The following ADGRG5 variants were observed in gnomAD, a reference collection of about 807,000 sequenced individuals.
ADGRG5 encodes G protein-coupled receptor 114.
ADGRG5 carries 37 observed loss-of-function variants against 53.2 expected under a neutral mutation model. That is an observed-to-expected ratio of 0.70 (90% CI 0.53 to 0.91). ADGRG5 has a LOEUF of 0.91. Ranked by LOEUF, ADGRG5 falls within the 40% of genes least tolerant of loss-of-function variation. The pLI is 0.00. For missense variants in ADGRG5, 614 were observed against 675.8 expected, an observed-to-expected ratio of 0.91 and a Z score of 1.01; for synonymous variants, 277 against 290.4, an observed-to-expected ratio of 0.95 and a Z score of 0.47.
At position 57,570,463 on chromosome 16, in the gene ADGRG5, C is replaced by G. The variant is rs1342908417; in HGVS notation, c.1136C>G (p.Ser379Trp). 1.9e-6 allele frequency: 3 copies of G among 1,613,504 alleles called. No individual in the cohort carries two copies. In the East Asian group the frequency reaches 6.7e-5, roughly 36 times the overall value. ...LVLLSLSVKS[S>W]VYGPCTIPVF... is the part of the protein sequence containing the mutation. ...CTGCTTTCCCTCTCTGTCAAGAGCT[C>G]GGTATACGGACCCTGCACAATCCCC... is the stretch of plus-strand genomic sequence containing the variant. Residue 379 changes from serine to tryptophan, a missense_variant, in exon 10 of 12, where the codon TCG becomes TGG. Physicochemically the swap from Ser to Trp is radical, Grantham distance 177. Transcript: ENST00000349457.
the ADGRG5 span, among the ~76,000 whole-genome samples, chr16:57,536,263 A>T: frequency 9.4e-4 from 111 of 118,368 alleles, no homozygotes; most frequent in African/African-American, 3.4e-3. Flanking sequence ...CCCCTCCCCC[A>T]TCACCCCGCG....
intron 1 of ADGRG5, among the ~76,000 whole-genome samples, chr16:57,558,080 T>C (rs2032923483): frequency 6.6e-6 from 1 of 152,252 alleles, no homozygotes; most frequent in Non-Finnish European, 1.5e-5. Flanking sequence ...GTCGTGGCTG[T>C]AGTATAGGCC....
intron 1 of ADGRG5, among the ~76,000 whole-genome samples, chr16:57,556,171 C>T (rs1392441417): frequency 1.3e-5 from 2 of 152,040 alleles, no homozygotes; most frequent in Non-Finnish European, 2.9e-5. Context: ...TTTTTTCCAT[C>T]ATTTTACATG....
rs143764238 is a variant in ADGRG5, at chr16:57,568,005, C to T, written c.971C>T (p.Ala324Val). 10 of 1,613,960 alleles carry T rather than the reference C, an allele frequency of 6.2e-6. No individual in the cohort carries two copies. Among genetic ancestry groups the T allele is most frequent in the African/African-American group, 4.0e-5 (3 of 74,904 alleles). ...CTALAAALHYALLSCLTWMAI... is the reference protein window; with the variant it reads ...CTALAAALHYVLLSCLTWMAI... Reference sequence around the variant, plus strand: ...GCTCTGGCCGCTGCCCTGCACTACGCGCTGCTCAGCTGCCTCACCTGGATG... The same window carrying T: ...GCTCTGGCCGCTGCCCTGCACTACGTGCTGCTCAGCTGCCTCACCTGGATG... Residue 324 changes from alanine (A) to valine (V), a missense_variant, in exon 9 of 12, where the codon GCG (alanine) becomes GTG (valine). Transcript: ENST00000349457.
intron 4 of ADGRG5, 23 bp downstream of exon 4, chr16:57,563,270 G>T (rs377149671): frequency 1.9e-6 from 3 of 1,610,140 alleles, no homozygotes; most frequent in Non-Finnish European, 2.5e-6. Flanking sequence ...GGGTTGGGGG[G>T]TGTGGCCAGC....
rs368369229 is a variant in ADGRG5 at position 57,575,596 on chromosome 16, C to T, written c.*58C>T. ...TCTGGCCGCCAGTAGCCTGAGGCTA[C>T]GGCTCCTGCTAGAGAGGGTGGCAGG... On this transcript the variant is annotated 3_prime_UTR_variant, in exon 12 of 12. Transcript: ENST00000349457. The T allele has an allele frequency of 6.4e-4, 890 of 1,386,602 alleles. 1 individual carries two copies. The African/African-American group carries it at 0.011, about 17-fold the overall frequency. The allele number at this position is 1,386,602 out of a possible 1,614,324, so 85.9% of individuals were successfully genotyped here.
upstream of ADGRG5, among the ~76,000 whole-genome samples, chr16:57,541,126 A>G (rs1169981492): frequency 6.6e-6 from 1 of 152,162 alleles, no homozygotes; most frequent in Non-Finnish European, 1.5e-5. Flanking sequence ...GTATCTTGGT[A>G]GTGAGCTTCA....
chr16:57,534,448 A>C, the ADGRG5 span, among the ~76,000 whole-genome samples: 1 of 152,122 alleles, frequency 6.6e-6, no homozygotes, highest in Admixed American at 6.5e-5. Context: ...ACTTGTCTGG[A>C]ATATCTCTCC....
At position 57,562,146 on chromosome 16, in the gene ADGRG5, A is replaced by G. The variant is rs141637452; in HGVS notation, c.53A>G (p.Asn18Ser). Residue 18 changes from asparagine to serine, a missense_variant, in exon 2 of 12, where the codon AAT (asparagine) becomes AGT (serine). Physicochemically the swap from Asn to Ser is conservative, Grantham distance 46. Transcript: ENST00000349457. Reference sequence around the variant, plus strand: ...TGCCTGTGCCTTCTGACTTTGCAGAATGCAACAACAGGTAAGGGGGCTCTG... The same window carrying G: ...TGCCTGTGCCTTCTGACTTTGCAGAGTGCAACAACAGGTAAGGGGGCTCTG... ...FLCLCLLTLQ[N>S]ATTETWEELL... 15 of 1,601,998 alleles carry G rather than the reference A, an allele frequency of 9.4e-6. No homozygotes were observed. The highest frequency in any genetic ancestry group is 1.3e-5 in the Non-Finnish European group (15 of 1,171,636).
intron 8 of ADGRG5, 43 bp from the exon 9 acceptor site, chr16:57,567,813 G>C: frequency 6.3e-7 from 1 of 1,582,472 alleles, no homozygotes; most frequent in Non-Finnish European, 8.6e-7. Flanking sequence ...GTGCTGCCTG[G>C]GTGATGTCCC....
chr16:57,549,938 C>CTA (rs1354685779), intron 1 of ADGRG5, among the ~76,000 whole-genome samples: 1 of 152,084 alleles, frequency 6.6e-6, no homozygotes, highest in Non-Finnish European at 1.5e-5. Context: ...TCTCTAATGA[C>CTA]TAATGATATT....
chr16:57,545,950 C>T (rs944542519), intron 1 of ADGRG5, among the ~76,000 whole-genome samples: 10 of 152,100 alleles, frequency 6.6e-5, no homozygotes, highest in African/African-American at 2.2e-4. Context: ...CTCAGCCTCC[C>T]GAGTAGCTGG....
At position 57,563,934 on chromosome 16, in the gene ADGRG5, G is replaced by C; in HGVS notation, c.384G>C (p.Glu128Asp). The C allele has an allele frequency of 6.2e-7, 1 of 1,614,082 alleles. No homozygotes were observed. The highest frequency in any genetic ancestry group is 8.5e-7 in the Non-Finnish European group (1 of 1,179,948). Residue 128 changes from glutamate (E) to aspartate (D), a missense_variant, in exon 5 of 12, where the codon GAG (glutamate) becomes GAC (aspartate). By Grantham distance (45) the Glu-to-Asp change is conservative. Coordinates refer to ENST00000349457, the MANE Select transcript of ADGRG5 (RefSeq NM_001304376.3). ...ACGCCTGCAAGACCCGCCCCAGGGA[G>C]CTGCGGCTCATCTGTATCTACTTCT... is the stretch of plus-strand genomic sequence containing the variant. ...TRDACKTRPR[E>D]LRLICIYFSN...
chr16:57,563,699 A>G, intron 4 of ADGRG5, 149 bp from the exon 5 acceptor site: 1 of 952,516 alleles, frequency 1.0e-6, no homozygotes, highest in Non-Finnish European at 1.6e-6. Flanking sequence ...GGATCTTGGG[A>G]AGTTTGGGAG....
At chr16:57,571,173 C>G (rs1286182363) in intron 10 of ADGRG5, among the ~76,000 whole-genome samples, 1 of 152,232 alleles carries the variant, frequency 6.6e-6, no homozygotes, top group African/African-American at 2.4e-5. Flanking sequence ...CACTCACTTG[C>G]AGTTGGCTGT....
At chr16:57,572,045 G>A (rs2033376681) in intron 10 of ADGRG5, among the ~76,000 whole-genome samples, 1 of 151,906 alleles carries the variant, frequency 6.6e-6, no homozygotes, top group South Asian at 2.1e-4. Flanking sequence ...CTACGAGCCA[G>A]CTTCTCCCTG....
At chr16:57,539,008 G>C (rs2032449796), upstream of ADGRG5, among the ~76,000 whole-genome samples, 1 of 152,072 alleles carries the variant, frequency 6.6e-6, no homozygotes, top group Non-Finnish European at 1.5e-5. Context: ...GTTAAGAAGG[G>C]GCATCATTTC....
chr16:57,532,121 G>GA, the ADGRG5 span, among the ~76,000 whole-genome samples: 2 of 152,156 alleles, frequency 1.3e-5, no homozygotes, highest in African/African-American at 4.8e-5. Flanking sequence ...GGATGTGTGA[G>GA]AGAGACCAGT....
chr16:57,529,301 C>T, the ADGRG5 span: 7 of 1,116,266 alleles, frequency 6.3e-6, no homozygotes, highest in Non-Finnish European at 6.6e-6. The surrounding 1 kb of genome is among the most constrained non-coding windows in gnomAD (Gnocchi z 4.1). Flanking sequence ...TCTGGGCCAC[C>T]GGGCGGAGGA....
Sources: allele counts gnomAD v4.1 joint callset (sites outside exome capture counted in the v4.1 genomes callset), GRCh38; gene constraint gnomAD v4.1.1; non-coding constraint Gnocchi (gnomAD v3.1); transcripts MANE v1.5; gene names NCBI Gene and HGNC (gene_info 2026-07-23, HGNC 2026-07-21).